SIPA1L3: variants seen among roughly 807,000 people sequenced by gnomAD.
The protein encoded by SIPA1L3 is signal induced proliferation associated 1 like 3, also known as signal-induced proliferation-associated 1-like protein 3.
A neutral mutation model predicts 150.1 loss-of-function variants in SIPA1L3; 59 were observed. The observed-to-expected ratio is 0.39, with a 90% CI of 0.32 to 0.49. The LOEUF (loss-of-function observed/expected upper bound fraction) is 0.49. SIPA1L3 is among the 20% of genes least tolerant of loss of function. The pLI, the probability that SIPA1L3 is intolerant of heterozygous loss-of-function variation, is 0.86. For missense variants in SIPA1L3, 2,211 were observed against 2,489.5 expected, an observed-to-expected ratio of 0.89 and a Z score of 2.38; for synonymous variants, 1,070 against 1,077.6, an observed-to-expected ratio of 0.99 and a Z score of 0.14.
chr19:37,964,324 C>G (rs2046884076), intron 1 of SIPA1L3: 1 of 151,966 alleles, frequency 6.6e-6, no homozygotes, highest in South Asian at 2.1e-4. Context: ...CCCGGGAGGT[C>G]AAGACTGCAG....
chr19:38,082,674 C>T lies in SIPA1L3; in HGVS notation c.1109C>T (p.Thr370Met). 1 of 1,608,662 alleles carries T rather than the reference C, an allele frequency of 6.2e-7. No individual in the cohort carries two copies. Among genetic ancestry groups the T allele is most frequent in the Non-Finnish European group, 8.5e-7 (1 of 1,179,170 alleles). Residue 370 changes from threonine to methionine, a missense_variant, in exon 3 of 22, where the codon ACG (threonine) becomes ATG (methionine). Thr to Met is a moderately conservative substitution (Grantham distance 81). Around this residue, in one of 5 missense-constraint regions of SIPA1L3, gnomAD observed 587 missense variants for 534.5 expected, o/e 1.10. Transcript: ENST00000222345. ...VSVSQRRNTT[T>M]GASAASAASA... ...GTGTCGCAGCGGCGGAACACCACCA[C>T]GGGTGCTTCGGCCGCTTCCGCCGCC... is the stretch of plus-strand genomic sequence containing the variant.
At chr19:38,018,117 AC>A (rs1175836896) in intron 1 of SIPA1L3, among the ~76,000 whole-genome samples, 2 of 127,368 alleles carry the variant, frequency 1.6e-5, no homozygotes, top group Non-Finnish European at 3.3e-5. Flanking sequence ...AGAATTTATT[AC>A]CAATCTAATC....
At chr19:38,152,784 G>A in intron 12 of SIPA1L3, 56 bp from the exon 13 acceptor site, 1 of 1,545,056 alleles carries the variant, frequency 6.5e-7, no homozygotes. Context: ...AGGCTCAGGT[G>A]GTTTTCGACA....
chr19:38,120,200 T>C (rs1970984956), intron 9 of SIPA1L3, among the ~76,000 whole-genome samples: 1 of 151,946 alleles, frequency 6.6e-6, no homozygotes, highest in Non-Finnish European at 1.5e-5. Flanking sequence ...GGCTCATACC[T>C]GTAATCTATC....
chr19:37,907,872 C>G (rs1356166047), intron 1 of SIPA1L3: 1 of 152,210 alleles, frequency 6.6e-6, no homozygotes, highest in African/African-American at 2.4e-5. Flanking sequence ...CCAATGCAGG[C>G]TAGCTGCTGT....
intron 1 of SIPA1L3, among the ~76,000 whole-genome samples, chr19:37,965,398 C>G (rs1342193460): frequency 6.6e-6 from 1 of 151,398 alleles, no homozygotes; most frequent in Non-Finnish European, 1.5e-5. Flanking sequence ...TCACTGTGAC[C>G]TCCGTCTCCC....
At chr19:38,141,097 T>C in intron 10 of SIPA1L3, 87 bp from the exon 11 acceptor site, 2 of 1,140,258 alleles carry the variant, frequency 1.8e-6, no homozygotes, top group South Asian at 1.7e-5. Flanking sequence ...TCCCGGTTTA[T>C]ATTGGGCCAG....
At chr19:38,077,636 TTTTTTCTTTTTTCTTTTTC>T (rs1969867519) in intron 2 of SIPA1L3, among the ~76,000 whole-genome samples, 1 of 145,662 alleles carries the variant, frequency 6.9e-6, no homozygotes, top group East Asian at 2.0e-4. Context: ...GTTTCTGTTG[TTTTTTCTTTTTTCTTTTTC>T]TTTTTCTTTT....
rs555490649 is a variant in SIPA1L3 at position 38,196,554 on chromosome 19, C to T, written c.4841-1835C>T. Among the ~76,000 whole-genome samples the T allele has an allele frequency of 7.5e-5, 10 of 132,960 alleles. No individual in the cohort carries two copies. In the South Asian group the frequency reaches 1.7e-3, roughly 23 times the overall value. 87.2% of individuals were successfully genotyped at this position (132,960 alleles called of 152,430 possible). On this transcript the variant is annotated intron_variant, in intron 18 of 21. Transcript: ENST00000222345. ...AAGGGCAGAGCAAGGAGGTCAAGGGCGGAGCGTGGAGGTCAAGGGCAGAGC... is the reference window on the plus strand; with the variant it reads ...AAGGGCAGAGCAAGGAGGTCAAGGGTGGAGCGTGGAGGTCAAGGGCAGAGC...
At chr19:38,118,777 G>T (rs1568559271) in intron 8 of SIPA1L3, among the ~76,000 whole-genome samples, 1 of 152,004 alleles carries the variant, frequency 6.6e-6, no homozygotes, top group Admixed American at 6.6e-5. Flanking sequence ...CAGGTGATCT[G>T]CCCGCCTCAG....
At chr19:38,115,781 G>C (rs905204631) in intron 8 of SIPA1L3, among the ~76,000 whole-genome samples, 1 of 152,212 alleles carries the variant, frequency 6.6e-6, no homozygotes, top group African/African-American at 2.4e-5. Context: ...TCTTTCTCTA[G>C]TTCTGTCATA....
chr19:38,128,046 C>CT (rs34053188), intron 9 of SIPA1L3, among the ~76,000 whole-genome samples: 1,155 of 66,604 alleles, frequency 0.017, 119 homozygotes, highest in South Asian at 0.057. Flanking sequence ...CCTTGGGCCT[C>CT]TTTTTTTTTT....
Position 38,130,740 on chromosome 19 carries a change from C to T in SIPA1L3, c.3111C>T (p.Ile1037=), listed in dbSNP as rs1162788083. The T allele has an allele frequency of 1.9e-6, 3 of 1,610,334 alleles. No individual in the cohort carries two copies. The South Asian group carries it at 3.3e-5, about 18-fold the overall frequency. ...CCTCTGTCACTGTGAAGGTGGTCAT[C>T]ATCCCGCCTTTTGAGGACGGCACTC... ...LRTSVTVKVV[I]IPPFEDGTPR... Residue 1037 remains isoleucine (I), a synonymous_variant, in exon 10 of 22, where the codon ATC becomes ATT. Transcript: ENST00000222345.
intron 1 of SIPA1L3, among the ~76,000 whole-genome samples, chr19:37,930,049 G>T (rs1410199796): frequency 7.2e-6 from 1 of 138,974 alleles, no homozygotes; most frequent in Admixed American, 7.2e-5. Context: ...TTTTTAGTTG[G>T]AGTCTCACTC....
chr19:38,017,383 C>T (rs949322625), intron 1 of SIPA1L3, among the ~76,000 whole-genome samples: 1 of 152,202 alleles, frequency 6.6e-6, no homozygotes, highest in African/African-American at 2.4e-5. Context: ...CTTAAATCTT[C>T]CTTTTCTACC....
intron 1 of SIPA1L3, among the ~76,000 whole-genome samples, chr19:37,991,257 A>G (rs1025288630): frequency 6.6e-6 from 1 of 152,180 alleles, no homozygotes; most frequent in Non-Finnish European, 1.5e-5. Flanking sequence ...AAAGAAAGAA[A>G]GTGCTTATTG....
intron 1 of SIPA1L3, among the ~76,000 whole-genome samples, chr19:37,940,310 C>T (rs1038388967): frequency 8.2e-5 from 12 of 147,042 alleles, no homozygotes; most frequent in African/African-American, 2.8e-4. Context: ...AAAAAAAAAA[C>T]AAAAAAAAAG....
chr19:38,083,736 A>G (rs938153682), intron 3 of SIPA1L3, among the ~76,000 whole-genome samples: 4 of 152,174 alleles, frequency 2.6e-5, no homozygotes, highest in African/African-American at 9.7e-5. Flanking sequence ...CACGCCTGTA[A>G]TCCCAGCACT....
At chr19:38,108,241 T>C (rs1302241834) in intron 7 of SIPA1L3, among the ~76,000 whole-genome samples, 2 of 152,118 alleles carry the variant, frequency 1.3e-5, no homozygotes, top group Admixed American at 1.3e-4. Context: ...TGCCTTTTCC[T>C]GAGTATGTGG....
Sources: gnomAD v4.1 joint callset for allele counts (sites outside exome capture counted in the v4.1 genomes callset) on GRCh38, gnomAD v4.1.1 for gene constraint, gnomAD v4.1.1 regional missense constraint, MANE v1.5 for transcripts, NCBI Gene and HGNC (gene_info 2026-07-23, HGNC 2026-07-21) for gene names.